MMADHC: variants seen among roughly 807,000 people sequenced by gnomAD.
MMADHC encodes cobalamin trafficking protein CblD.
Under a neutral mutation model 36.3 loss-of-function variants are expected in MMADHC, and 23 were observed. That is an observed-to-expected ratio of 0.63 (90% CI 0.46 to 0.90). The LOEUF is 0.90. Ranked by LOEUF, MMADHC falls within the 40% of genes least tolerant of loss-of-function variation. The pLI, the probability that MMADHC is intolerant of heterozygous loss-of-function variation, is 0.00. For missense variants in MMADHC, 330 were observed against 348.0 expected, an observed-to-expected ratio of 0.95 and a Z score of 0.41; for synonymous variants, 97 against 116.1, an observed-to-expected ratio of 0.84 and a Z score of 1.06.
At chr2:149,585,932 C>G (rs1294964820) in intron 2 of MMADHC, among the ~76,000 whole-genome samples, 2 of 152,258 alleles carry the variant, frequency 1.3e-5, no homozygotes, top group East Asian at 3.9e-4. Context: ...CAAAATAAAA[C>G]CAGGTCAAAT....
At chr2:149,575,466 A>G (rs1682700928) in intron 6 of MMADHC, among the ~76,000 whole-genome samples, 2 of 152,150 alleles carry the variant, frequency 1.3e-5, no homozygotes, top group African/African-American at 2.4e-5. Context: ...TTTGTCATTT[A>G]CCAAATTTTC....
intron 6 of MMADHC, among the ~76,000 whole-genome samples, chr2:149,574,998 T>C (rs1314908979): frequency 1.3e-5 from 2 of 152,124 alleles, no homozygotes; most frequent in African/African-American, 4.8e-5. Context: ...CTCACTACAG[T>C]GCCCAGGTTG....
At chr2:149,585,472 T>C (rs1682853738) in intron 2 of MMADHC, among the ~76,000 whole-genome samples, 2 of 152,212 alleles carry the variant, frequency 1.3e-5, no homozygotes, top group Admixed American at 6.5e-5. Flanking sequence ...CCCACAGTGT[T>C]GCAAGATATT....
intron 2 of MMADHC, among the ~76,000 whole-genome samples, chr2:149,583,660 C>T (rs192389695): frequency 1.8e-4 from 27 of 152,238 alleles, no homozygotes; most frequent in Admixed American, 1.6e-3. Flanking sequence ...AAAAATCCAG[C>T]CATCTGACAC....
chr2:149,579,733 G>T, intron 3 of MMADHC, 85 bp from the exon 4 acceptor site: 1 of 1,129,876 alleles, frequency 8.9e-7, no homozygotes, highest in Non-Finnish European at 1.3e-6. Context: ...TTAAAATTAT[G>T]TATATTTTTA....
At position 149,579,188 on chromosome 2, in the gene MMADHC, T is replaced by G. The variant is rs112842709; in HGVS notation, c.372+243A>C. On this transcript the variant is annotated intron_variant, in intron 4 of 7. Transcript: ENST00000303319. ...ATTATGTATATCTAGAGTAGTTACT[T>G]AAAAACATACTTTTCAAGAAATATT... is the stretch of plus-strand genomic sequence containing the variant. Among the ~76,000 whole-genome samples, 2,476 of 152,102 alleles carry G rather than the reference T, an allele frequency of 0.016. 78 individuals are homozygous for G. The highest frequency in any genetic ancestry group is 0.056 in the African/African-American group (2,343 of 41,532).
chr2:149,579,333 G>T, intron 4 of MMADHC, 98 bp downstream of exon 4: 2 of 1,178,930 alleles, frequency 1.7e-6, no homozygotes, highest in South Asian at 1.3e-5. Context: ...GAATTAAATT[G>T]ATTTTTTACT....
intron 5 of MMADHC, 96 bp from the exon 6 acceptor site, chr2:149,575,937 T>A: frequency 1.0e-6 from 1 of 982,372 alleles, no homozygotes; most frequent in Non-Finnish European, 1.5e-6. Flanking sequence ...AGAAAAATGC[T>A]GATTAAGTAA....
intron 6 of MMADHC, among the ~76,000 whole-genome samples, 197 bp from the exon 7 acceptor site, chr2:149,571,368 A>C (rs1249188187): frequency 6.6e-6 from 1 of 152,182 alleles, no homozygotes; most frequent in Non-Finnish European, 1.5e-5. Flanking sequence ...TTAACACAAC[A>C]CTTTATTTCA....
chr2:149,578,316 C>A (rs1682745708), intron 4 of MMADHC, among the ~76,000 whole-genome samples: 1 of 152,062 alleles, frequency 6.6e-6, no homozygotes, highest in Non-Finnish European at 1.5e-5. Context: ...AAGGTTGGTG[C>A]TATAAGTTTT....
chr2:149,578,695 A>G (rs1032164915), intron 4 of MMADHC, among the ~76,000 whole-genome samples: 6 of 152,148 alleles, frequency 3.9e-5, no homozygotes, highest in African/African-American at 1.4e-4. Context: ...AGATAAAAAT[A>G]TAGGACAGGT....
At chr2:149,579,275 C>T (rs1417143563) in intron 4 of MMADHC, among the ~76,000 whole-genome samples, 156 bp downstream of exon 4, 1 of 152,034 alleles carries the variant, frequency 6.6e-6, no homozygotes, top group Non-Finnish European at 1.5e-5. Flanking sequence ...GAGGACAATG[C>T]CAAGTTTTCC....
intron 6 of MMADHC, 45 bp from the exon 7 acceptor site, chr2:149,571,216 G>GAGAT (rs763130741): frequency 1.7e-6 from 2 of 1,174,746 alleles, no homozygotes; most frequent in Non-Finnish European, 2.4e-6. Context: ...AGCATTACTA[G>GAGAT]AGATTGTTTT....
At chr2:149,570,973 A>T in intron 7 of MMADHC, 112 bp downstream of exon 7, 1 of 894,782 alleles carries the variant, frequency 1.1e-6, no homozygotes. Flanking sequence ...TCTTTGGGTA[A>T]AATTGTGAGA....
intron 5 of MMADHC, 120 bp downstream of exon 5, chr2:149,576,317 C>T (rs1449542313): frequency 2.7e-6 from 2 of 751,180 alleles, no homozygotes; most frequent in African/African-American, 3.5e-5. Flanking sequence ...GCAATCATTT[C>T]CAGCCAGATA....
intron 3 of MMADHC, among the ~76,000 whole-genome samples, chr2:149,581,293 T>C (rs574176086): frequency 6.6e-6 from 1 of 152,294 alleles, no homozygotes; most frequent in East Asian, 1.9e-4. Flanking sequence ...AAATCTTTCA[T>C]TTATTATAAA....
At chr2:149,580,778 T>C (rs750872649) in intron 3 of MMADHC, among the ~76,000 whole-genome samples, 1 of 152,108 alleles carries the variant, frequency 6.6e-6, no homozygotes, top group Non-Finnish European at 1.5e-5. Flanking sequence ...CCAGACAACG[T>C]CTCAAGATTC....
chr2:149,577,170 G>A (rs1024341436), intron 4 of MMADHC, among the ~76,000 whole-genome samples: 4 of 152,186 alleles, frequency 2.6e-5, no homozygotes, highest in African/African-American at 9.7e-5. Context: ...AAGTCTTCCA[G>A]GGGCATAGAT....
rs905523537 is a variant in MMADHC, at chr2:149,582,224, G to C, written c.57C>G (p.Cys19Trp). Residue 19 changes from cysteine (C) to tryptophan (W), a missense_variant, in exon 3 of 8, where the codon TGC becomes TGG. By Grantham distance (215) the Cys-to-Trp change is radical. Coordinates refer to ENST00000303319, the MANE Select transcript of MMADHC (RefSeq NM_015702.3). ...GATTGACAACCCTTTTAACTAAAGAGCAAAATCCTGGGAGATAGGAAACCA... is the reference window on the plus strand; with the variant it reads ...GATTGACAACCCTTTTAACTAAAGACCAAAATCCTGGGAGATAGGAAACCA... The part of the protein sequence containing the change: ...ARLVSYLPGF[C>W]SLVKRVVNPK... 6.2e-7 allele frequency: 1 copy of C among 1,613,862 alleles called. No individual in the cohort carries two copies. The highest frequency in any genetic ancestry group is 1.7e-5 in the Admixed American group (1 of 59,982).
Sources: gnomAD v4.1 joint callset for allele counts (sites outside exome capture counted in the v4.1 genomes callset) on GRCh38, gnomAD v4.1.1 for gene constraint, MANE v1.5 for transcripts, NCBI Gene and HGNC (gene_info 2026-07-23, HGNC 2026-07-21) for gene names.